EDNRB: variants seen among roughly 807,000 people sequenced by gnomAD.
The protein encoded by EDNRB is endothelin receptor type B.
In EDNRB, 18 loss-of-function variants were observed where a neutral mutation model predicts 46.4. The observed-to-expected ratio is 0.39, with a 90% CI of 0.27 to 0.57. The LOEUF (loss-of-function observed/expected upper bound fraction) is 0.57, where lower values mean the gene tolerates loss of function less well. Ranked by LOEUF, EDNRB falls within the 20% of genes least tolerant of loss-of-function variation. The pLI is 0.61. For synonymous variants in EDNRB, 213 were observed against 204.9 expected (o/e 1.04, Z -0.34); for missense variants, 434 against 537.5 (o/e 0.81, Z 1.90).
chr13:77,958,100 C>T (rs1435592384), intron 1 of EDNRB, among the ~76,000 whole-genome samples: 1 of 152,164 alleles, frequency 6.6e-6, no homozygotes, highest in Non-Finnish European at 1.5e-5. Context: ...TAATGAGACT[C>T]AACCCATTAC....
At position 77,936,413 on chromosome 13, in the gene EDNRB, T is replaced by C. The variant is rs184712546; in HGVS notation, c.-51-17789A>G. 5.4e-3 allele frequency among the ~76,000 whole-genome samples: 819 copies of C among 152,218 alleles called. 8 individuals carry two copies. Among genetic ancestry groups the C allele is most frequent in the African/African-American group, 0.018 (759 of 41,546 alleles). On this transcript the variant is annotated intron_variant, in intron 1 of 7. Transcript: ENST00000646948. ...AGAGGTTTAGAAGCCTGGCCATCAA[T>C]ACCCACAACAGTTATGGAGGCAAGG...
rs1278049487 is a variant in EDNRB at position 77,895,652 on chromosome 13, A to G, written c.*2548T>C. On this transcript the variant is annotated 3_prime_UTR_variant, in exon 7 of 7. Coordinates refer to ENST00000646607, the MANE Select transcript of EDNRB (RefSeq NM_001122659.3). ...GAAAAATAAGGTAGTTGTTAAAAAA[A>G]CTTAAATTTTTATTGGTTTTGCTTA... 2.0e-5 allele frequency: 3 copies of G among 152,072 alleles called. No individual in the cohort carries two copies. The highest frequency in any genetic ancestry group is 2.9e-5 in the Non-Finnish European group (2 of 67,972). 9.4% of individuals were successfully genotyped at this position (152,072 alleles called of 1,614,324 possible). A position where few individuals can be genotyped will look rare whatever the true frequency, so the allele number is the denominator to read the frequency against.
chr13:77,926,551 C>G (rs1880243590), intron 1 of EDNRB, among the ~76,000 whole-genome samples: 1 of 152,186 alleles, frequency 6.6e-6, no homozygotes, highest in Non-Finnish European at 1.5e-5. Flanking sequence ...CTGAGACCAC[C>G]TCAGCCTGGA....
chr13:77,938,970 G>A (rs1880651782), intron 1 of EDNRB, among the ~76,000 whole-genome samples: 2 of 152,206 alleles, frequency 1.3e-5, no homozygotes, highest in Admixed American at 6.5e-5. Context: ...CTGAGTCACA[G>A]CACCAAATTT....
At chr13:77,949,407 G>A (rs1392302299) in intron 1 of EDNRB, among the ~76,000 whole-genome samples, 3 of 152,122 alleles carry the variant, frequency 2.0e-5, no homozygotes, top group Admixed American at 6.5e-5. Flanking sequence ...CCAAGACTTC[G>A]CACTGCAGTT....
At chr13:77,962,799 G>T (rs1881465732) in intron 1 of EDNRB, among the ~76,000 whole-genome samples, 1 of 152,124 alleles carries the variant, frequency 6.6e-6, no homozygotes. Flanking sequence ...AAGAAATAAA[G>T]GGTATTCAAT....
At chr13:77,958,468 G>T (rs1229849031) in intron 1 of EDNRB, among the ~76,000 whole-genome samples, 1 of 152,156 alleles carries the variant, frequency 6.6e-6, no homozygotes, top group African/African-American at 2.4e-5. Flanking sequence ...CGCCTCCCGG[G>T]TTCATGCCAT....
At chr13:77,919,164 G>A (rs1040787682), upstream of EDNRB, 18 of 562,806 alleles carry the variant, frequency 3.2e-5, no homozygotes, top group Admixed American at 6.9e-5. Context: ...GAGTGCGCCG[G>A]AGATTCGGAA....
At chr13:77,955,045 C>A (rs1162280102) in intron 1 of EDNRB, among the ~76,000 whole-genome samples, 2 of 152,146 alleles carry the variant, frequency 1.3e-5, no homozygotes, top group Non-Finnish European at 2.9e-5. Flanking sequence ...CACCTCCATA[C>A]TGTTTTCTAC....
intron 1 of EDNRB, among the ~76,000 whole-genome samples, chr13:77,940,433 C>A (rs1924916): frequency 0.6 from 90,944 of 151,802 alleles, 28,433 homozygotes; most frequent in Middle Eastern, 0.75. Flanking sequence ...AAATGGAATA[C>A]CTTCATAAAA....
At chr13:77,961,438 C>T (rs1264033182) in intron 1 of EDNRB, among the ~76,000 whole-genome samples, 1 of 152,210 alleles carries the variant, frequency 6.6e-6, no homozygotes, top group South Asian at 2.1e-4. Flanking sequence ...GTCTCTCAGA[C>T]TACAGTGCAA....
intron 1 of EDNRB, chr13:77,975,198 T>A (rs1320419377): frequency 6.6e-6 from 1 of 151,982 alleles, no homozygotes; most frequent in Non-Finnish European, 1.5e-5. Flanking sequence ...TCAAATGGAG[T>A]AGGCAAGTTC....
chr13:77,929,071 T>C (rs1880315936), intron 1 of EDNRB, among the ~76,000 whole-genome samples: 1 of 152,204 alleles, frequency 6.6e-6, no homozygotes, highest in Admixed American at 6.5e-5. Context: ...GTCAAAAGGT[T>C]AGTGATTCAT....
At chr13:77,905,599 A>T (rs1324563453) in intron 1 of EDNRB, among the ~76,000 whole-genome samples, 1 of 151,922 alleles carries the variant, frequency 6.6e-6, no homozygotes, top group Non-Finnish European at 1.5e-5. Flanking sequence ...ACATACTTAA[A>T]ATGGTGTTAA....
chr13:77,938,426 G>A (rs2137661618), intron 1 of EDNRB, among the ~76,000 whole-genome samples: 1 of 151,966 alleles, frequency 6.6e-6, no homozygotes, highest in African/African-American at 2.4e-5. Flanking sequence ...AGAAAGAAGG[G>A]GTTGGGGGGT....
chr13:77,968,538 C>G (rs751676903), intron 1 of EDNRB, among the ~76,000 whole-genome samples: 1 of 151,880 alleles, frequency 6.6e-6, no homozygotes, highest in Non-Finnish European at 1.5e-5. Context: ...CTAAGTTGAA[C>G]AAGACAGACA....
At position 77,953,245 on chromosome 13, in the gene EDNRB, A is replaced by G. The variant is rs549490765; in HGVS notation, c.-52+22102T>C. On this transcript the variant is annotated intron_variant, in intron 1 of 7. Transcript: ENST00000646948. Reference sequence around the variant, plus strand: ...TCCTTTCATTATGAATATTCAAATGACCAGTTCCTGAGTAACTGACATTAT... The same window carrying G: ...TCCTTTCATTATGAATATTCAAATGGCCAGTTCCTGAGTAACTGACATTAT... Among the ~76,000 whole-genome samples, 27 of 152,270 alleles carry G rather than the reference A, an allele frequency of 1.8e-4. 1 individual carries two copies. Among genetic ancestry groups the G allele is most frequent in the African/African-American group, 6.3e-4 (26 of 41,568 alleles).
At chr13:77,952,427 C>T (rs1176931753) in intron 1 of EDNRB, among the ~76,000 whole-genome samples, 1 of 152,124 alleles carries the variant, frequency 6.6e-6, no homozygotes, top group Non-Finnish European at 1.5e-5. Context: ...GTTTAATAAA[C>T]ATTATTAGTT....
At chr13:77,906,779 C>A (rs1410859842) in intron 1 of EDNRB, among the ~76,000 whole-genome samples, 2 of 152,004 alleles carry the variant, frequency 1.3e-5, no homozygotes, top group African/African-American at 4.8e-5. Context: ...CCTTAATTGC[C>A]AAACCAAAGA....
Sources: gnomAD v4.1 joint callset for allele counts (sites outside exome capture counted in the v4.1 genomes callset) on GRCh38, gnomAD v4.1.1 for gene constraint, MANE v1.5 for transcripts, NCBI Gene and HGNC (gene_info 2026-07-23, HGNC 2026-07-21) for gene names.